Variants in ZNF274 observed in about 807,000 individuals in gnomAD.
ZNF274 encodes zinc finger protein 274.
ZNF274 carries 23 observed loss-of-function variants against 42.5 expected under a neutral mutation model. The observed-to-expected ratio is 0.54, with a 90% CI of 0.39 to 0.77. The LOEUF is 0.77. Ranked by LOEUF, ZNF274 falls within the 30% of genes least tolerant of loss-of-function variation. The pLI is 0.00. For synonymous variants in ZNF274, 292 were observed against 305.4 expected, an observed-to-expected ratio of 0.96 and a Z score of 0.46; for missense variants, 679 against 806.5, an observed-to-expected ratio of 0.84 and a Z score of 1.91.
In ZNF274 at chr19:58,204,710, C is replaced by T. The variant is rs138369873; in HGVS notation, c.257-2010C>T. Among the ~76,000 whole-genome samples, 21 of 152,224 alleles carry T rather than the reference C, an allele frequency of 1.4e-4. No homozygotes were observed. In the East Asian group the frequency reaches 3.1e-3, roughly 22 times the overall value. On this transcript the variant is annotated intron_variant, in intron 4 of 7. Transcript: ENST00000617501. ...TTACTGCTTACAAGGGAGTTTTTAA[C>T]AATTTTCTTAAACTGTGTTACAACA...
chr19:58,209,907 C>T, intron 5 of ZNF274, 54 bp from the exon 6 acceptor site: 1 of 1,403,498 alleles, frequency 7.1e-7, no homozygotes, highest in Non-Finnish European at 9.8e-7. Context: ...CACCCTTGCC[C>T]TGCCTAAGGG....
intron 4 of ZNF274, among the ~76,000 whole-genome samples, chr19:58,193,445 CTTTTTTT>C (rs71188098): frequency 2.1e-5 from 1 of 47,806 alleles, no homozygotes. Flanking sequence ...CGCGCCTGGC[CTTTTTTT>C]TTTTTTTTTT....
intron 1 of ZNF274, chr19:58,183,672 G>A: frequency 2.9e-6 from 1 of 350,574 alleles, no homozygotes; most frequent in Non-Finnish European, 5.3e-6. Context: ...GCCTCCGGAA[G>A]CGTGGGGTCT....
At position 58,210,020 on chromosome 19, in the gene ZNF274, C is replaced by T; in HGVS notation, c.799C>T (p.Gln267Ter). The T allele has an allele frequency of 6.2e-7, 1 of 1,613,802 alleles. No individual in the cohort carries two copies. The highest frequency in any genetic ancestry group is 1.7e-4 in the Middle Eastern group (1 of 6,034). Residue 267 changes from glutamine (Q) to a stop codon, truncating the protein, a stop_gained, in exon 6 of 8, where the codon CAG (glutamine) becomes TAG (stop). Coordinates refer to ENST00000617501, the MANE Select transcript of ZNF274 (RefSeq NM_133502.3). LOFTEE classifies it high-confidence loss of function. ...TTCCLEVTAQ[Q>*]EEKQEDAAIC... ...CTGCTGCCTCGAGGTCACTGCCCAG[C>T]AGGAGGAGAAGCAGGAGGATGCAGC...
At position 58,211,518 on chromosome 19, in the gene ZNF274, C is replaced by T. The variant is rs1217011380; in HGVS notation, c.853-42C>T. 10 of 1,584,898 alleles carry T rather than the reference C, an allele frequency of 6.3e-6. No homozygotes were observed. The highest frequency in any genetic ancestry group is 8.6e-6 in the Non-Finnish European group (10 of 1,162,388). On this transcript the variant is annotated intron_variant, in intron 6 of 7. Transcript: ENST00000617501. This position sits in a 1 kb window ranked among gnomAD's most constrained non-coding sequence, Gnocchi z 4.8. ...TTCTTCTGCCCTCATTGACAACCCT[C>T]TGACCCTCTTGCTGAGCATAGACAC...
chr19:58,191,089 C>T (rs2075773600), intron 4 of ZNF274, among the ~76,000 whole-genome samples: 1 of 152,220 alleles, frequency 6.6e-6, no homozygotes, highest in Non-Finnish European at 1.5e-5. Context: ...ACTATTTCAT[C>T]TGCAAAGTCT....
intron 4 of ZNF274, among the ~76,000 whole-genome samples, chr19:58,187,806 A>G (rs1600131888): frequency 6.6e-6 from 1 of 151,090 alleles, no homozygotes; most frequent in African/African-American, 2.4e-5. Flanking sequence ...GCTCCCTGCA[A>G]CCTCCGCCTC....
In ZNF274 at chr19:58,211,254, G is replaced by A; in HGVS notation, c.853-306G>A. 3.8e-6 allele frequency: 1 copy of A among 261,302 alleles called. No individual in the cohort carries two copies. The highest frequency in any genetic ancestry group is 7.2e-6 in the Non-Finnish European group (1 of 138,166). The allele number at this position is 261,302 out of a possible 1,614,324, so 16.2% of individuals were successfully genotyped here. A position where few individuals can be genotyped will look rare whatever the true frequency, so the allele number is the denominator to read the frequency against. ...AGTATTAATAGATGGAGAACCCTCTGCAGTGGGAAGATTTCAGCAATGGGC... is the reference window on the plus strand; with the variant it reads ...AGTATTAATAGATGGAGAACCCTCTACAGTGGGAAGATTTCAGCAATGGGC... On this transcript the variant is annotated intron_variant, in intron 6 of 7. Coordinates refer to ENST00000617501, the MANE Select transcript of ZNF274 (RefSeq NM_133502.3). This position sits in a 1 kb window ranked among gnomAD's most constrained non-coding sequence, Gnocchi z 4.8.
At chr19:58,205,045 T>C (rs755971814) in intron 4 of ZNF274, among the ~76,000 whole-genome samples, 2 of 152,204 alleles carry the variant, frequency 1.3e-5, no homozygotes, top group Non-Finnish European at 2.9e-5. Flanking sequence ...AGGTTGTGGG[T>C]CAGTGCTGTG....
At chr19:58,201,928 T>G (rs944004036) in intron 4 of ZNF274, among the ~76,000 whole-genome samples, 1 of 152,196 alleles carries the variant, frequency 6.6e-6, no homozygotes, top group Non-Finnish European at 1.5e-5. Context: ...ATCAGCAGCC[T>G]TTGGCAGATC....
In ZNF274 at chr19:58,212,326, T is replaced by C. The variant is rs778262537; in HGVS notation, c.1145T>C (p.Val382Ala). 6.2e-7 allele frequency: 1 copy of C among 1,613,988 alleles called. No homozygotes were observed. The highest frequency in any genetic ancestry group is 8.5e-7 in the Non-Finnish European group (1 of 1,179,894). The change falls in exon 8 of 8, where the codon GTG becomes GCG. Residue 382 changes from valine (V) to alanine (A), a missense_variant. Physicochemically the swap from Val to Ala is moderately conservative, Grantham distance 64. Coordinates refer to ENST00000617501, the MANE Select transcript of ZNF274 (RefSeq NM_133502.3). This position sits in a 1 kb window ranked among gnomAD's most constrained non-coding sequence, Gnocchi z 4.6. ...QGGVQEVQDT[V>A]LKQMESAQEK... ...GGGGTCCAGGAAGTCCAAGACACAG[T>C]GTTGAAGCAGATGGAGTCTGCTCAG...
chr19:58,213,485 G>A lies in ZNF274; in HGVS notation c.*342G>A, dbSNP rs552129474. 76 of 235,388 alleles carry A rather than the reference G, an allele frequency of 3.2e-4. No homozygotes were observed. The highest frequency in any genetic ancestry group is 1.6e-3 in the Admixed American group (33 of 20,230). The allele number at this position is 235,388 out of a possible 1,614,324, so 14.6% of individuals were successfully genotyped here. A position where few individuals can be genotyped will look rare whatever the true frequency, so the allele number is the denominator to read the frequency against. ...AATCTGCACTGATATTACATCCACA[G>A]TACCACAGTATTTATGTGTATGAAT... is the stretch of plus-strand genomic sequence containing the variant. On this transcript the variant is annotated 3_prime_UTR_variant, in exon 8 of 8. Coordinates refer to ENST00000617501, the MANE Select transcript of ZNF274 (RefSeq NM_133502.3).
chr19:58,194,909 G>A (rs2146210767), intron 4 of ZNF274, among the ~76,000 whole-genome samples: 1 of 152,190 alleles, frequency 6.6e-6, no homozygotes, highest in East Asian at 1.9e-4. Context: ...GCTGAGGCAG[G>A]AGAATGGCAT....
intron 3 of ZNF274, 33 bp from the exon 4 acceptor site, chr19:58,186,914 C>T: frequency 1.9e-6 from 3 of 1,587,750 alleles, no homozygotes; most frequent in Non-Finnish European, 1.7e-6. Context: ...GAACACAGAC[C>T]CCCACAAGCC....
intron 4 of ZNF274, among the ~76,000 whole-genome samples, chr19:58,192,644 C>T (rs1285557762): frequency 1.3e-5 from 2 of 152,064 alleles, no homozygotes; most frequent in Non-Finnish European, 2.9e-5. Context: ...CTTATAATAC[C>T]GAATATGATG....
intron 4 of ZNF274, among the ~76,000 whole-genome samples, chr19:58,199,068 T>TA (rs1283924854): frequency 6.6e-6 from 1 of 152,004 alleles, no homozygotes; most frequent in African/African-American, 2.4e-5. Flanking sequence ...GAAATACTAT[T>TA]AAAATGATAC....
At chr19:58,206,261 C>A (rs182739662) in intron 4 of ZNF274, among the ~76,000 whole-genome samples, 35 of 152,252 alleles carry the variant, frequency 2.3e-4, no homozygotes, top group African/African-American at 8.2e-4. Flanking sequence ...TACTTCATTC[C>A]TTTTTATTGC....
intron 4 of ZNF274, among the ~76,000 whole-genome samples, chr19:58,205,934 T>C (rs2075974613): frequency 6.6e-6 from 1 of 152,224 alleles, no homozygotes; most frequent in South Asian, 2.1e-4. Context: ...TATGGAGATA[T>C]AATTCACACA....
intron 6 of ZNF274, 71 bp downstream of exon 6, chr19:58,210,144 A>T (rs2076024247): frequency 7.8e-7 from 1 of 1,276,260 alleles, no homozygotes; most frequent in African/African-American, 1.5e-5. Context: ...TGAGGCATCC[A>T]CTCTGCCCTG....
Sources: gnomAD v4.1 joint callset for allele counts (sites outside exome capture counted in the v4.1 genomes callset) on GRCh38, gnomAD v4.1.1 for gene constraint, Gnocchi (gnomAD v3.1) non-coding constraint, MANE v1.5 for transcripts, NCBI Gene and HGNC (gene_info 2026-07-23, HGNC 2026-07-21) for gene names.